Variants in RTTN observed in about 807,000 individuals in gnomAD.
RTTN encodes the protein rotatin.
RTTN carries 182 observed loss-of-function variants against 269.2 expected under a neutral mutation model. The observed-to-expected ratio is 0.68, with a 90% CI of 0.60 to 0.76. The LOEUF is 0.76. Among genes scored for constraint, RTTN ranks in the 30% least tolerant of loss-of-function variants. The pLI, the probability that RTTN is intolerant of heterozygous loss-of-function variation, is 0.00. For missense variants in RTTN, 2,545 were observed against 2,608.6 expected, an observed-to-expected ratio of 0.98 and a Z score of 0.53; for synonymous variants, 1,006 against 963.5, an observed-to-expected ratio of 1.04 and a Z score of -0.82.
chr18:70,024,617 G>A (rs2056800880), intron 44 of RTTN, 105 bp downstream of exon 44: 3 of 1,057,538 alleles, frequency 2.8e-6, no homozygotes, highest in Non-Finnish European at 2.8e-6. Context: ...CAATAAATCA[G>A]AGAAATACTT....
Position 70,054,117 on chromosome 18 carries a change from A to C in RTTN, c.5185+14T>G. The C allele has an allele frequency of 6.2e-7, 1 of 1,600,830 alleles. No individual in the cohort carries two copies. Among genetic ancestry groups the C allele is most frequent in the Non-Finnish European group, 8.6e-7 (1 of 1,169,348 alleles). On this transcript the variant is annotated intron_variant, in intron 38 of 48. Coordinates refer to ENST00000640769, the MANE Select transcript of RTTN (RefSeq NM_173630.4). Reference sequence around the variant, plus strand: ...TTATTCACTTACATTCTAAACTAAAACAATTAAGCTTACCTAATACATCTT... The same window carrying C: ...TTATTCACTTACATTCTAAACTAAACCAATTAAGCTTACCTAATACATCTT...
intron 6 of RTTN, 103 bp from the exon 7 acceptor site, chr18:70,196,751 G>C: frequency 8.7e-7 from 1 of 1,150,230 alleles, no homozygotes; most frequent in South Asian, 1.5e-5. Flanking sequence ...ATAATCAAGA[G>C]AAAATAAGTT....
At position 70,204,279 on chromosome 18, in the gene RTTN, G is replaced by C. The variant is rs753370638; in HGVS notation, c.220-16C>G. ...CTGGGGGATACTAAAATAAGAAGAGGATGATCTTGAGAATAACTGTATCAA... is the reference window on the plus strand; with the variant it reads ...CTGGGGGATACTAAAATAAGAAGAGCATGATCTTGAGAATAACTGTATCAA... On this transcript the variant is annotated splice_polypyrimidine_tract_variant and intron_variant, in intron 2 of 48. Coordinates refer to ENST00000640769, the MANE Select transcript of RTTN (RefSeq NM_173630.4). The C allele has an allele frequency of 1.1e-5, 17 of 1,586,652 alleles. No homozygotes were observed. In the Admixed American group the frequency reaches 3.0e-4, roughly 28 times the overall value.
Position 70,109,636 on chromosome 18 carries a change from A to T in RTTN, c.3765T>A (p.Pro1255=), listed in dbSNP as rs751137318. 3 of 1,614,052 alleles carry T rather than the reference A, an allele frequency of 1.9e-6. No homozygotes were observed. Among genetic ancestry groups the T allele is most frequent in the African/African-American group, 1.3e-5 (1 of 74,930 alleles). ...CAAGGGACGGCAGGCCATAGAAATGAGGCGCATCCGTCACTTTCAGACACT... is the reference window on the plus strand; with the variant it reads ...CAAGGGACGGCAGGCCATAGAAATGTGGCGCATCCGTCACTTTCAGACACT... The part of the protein sequence containing the change: ...LLQCLKVTDA[P]HFYGLPSLER... Residue 1255 remains proline (P), a synonymous_variant, in exon 28 of 49, where the codon CCT becomes CCA. Coordinates refer to ENST00000640769, the MANE Select transcript of RTTN (RefSeq NM_173630.4).
At chr18:70,204,284 T>C in intron 2 of RTTN, 21 bp from the exon 3 acceptor site, 1 of 1,585,090 alleles carries the variant, frequency 6.3e-7, no homozygotes, top group Non-Finnish European at 8.6e-7. Flanking sequence ...AAGAGGATGA[T>C]CTTGAGAATA....
chr18:70,029,831 T>C (rs2145585760), intron 42 of RTTN, among the ~76,000 whole-genome samples, 181 bp downstream of exon 42: 1 of 152,292 alleles, frequency 6.6e-6, no homozygotes, highest in South Asian at 2.1e-4. Context: ...CTAAAGATCT[T>C]CAAGTAAGAA....
chr18:70,197,528 C>G, intron 6 of RTTN, 96 bp downstream of exon 6: 1 of 745,908 alleles, frequency 1.3e-6, no homozygotes, highest in East Asian at 2.6e-5. Flanking sequence ...AACATGAGTA[C>G]AAAGTTCCTT....
chr18:70,121,973 C>A (rs767313160), intron 25 of RTTN, among the ~76,000 whole-genome samples: 1 of 151,902 alleles, frequency 6.6e-6, no homozygotes, highest in Non-Finnish European at 1.5e-5. Flanking sequence ...AGAAAAAGTA[C>A]CAAAAAAATA....
chr18:70,192,208 G>C (rs2061687995), intron 8 of RTTN, among the ~76,000 whole-genome samples: 1 of 152,176 alleles, frequency 6.6e-6, no homozygotes, highest in African/African-American at 2.4e-5. Context: ...GTTAACAGTA[G>C]TAGCAGTATT....
chr18:70,098,678 T>G (rs1233681127), intron 28 of RTTN, among the ~76,000 whole-genome samples: 1 of 152,156 alleles, frequency 6.6e-6, no homozygotes, highest in East Asian at 1.9e-4. Flanking sequence ...AGTTCTAGAG[T>G]ACATGTGCAC....
chr18:70,182,188 A>G (rs1052391459), intron 10 of RTTN, among the ~76,000 whole-genome samples: 2 of 152,220 alleles, frequency 1.3e-5, no homozygotes, highest in African/African-American at 4.8e-5. Flanking sequence ...ACTTGAAAAT[A>G]CACCCATTTT....
chr18:70,197,807 C>G, intron 5 of RTTN, 69 bp from the exon 6 acceptor site: 1 of 927,770 alleles, frequency 1.1e-6, no homozygotes, highest in South Asian at 1.4e-5. Context: ...AGCCTACTGA[C>G]ACAATGACTC....
At chr18:70,100,672 C>T (rs2059135153) in intron 28 of RTTN, among the ~76,000 whole-genome samples, 2 of 152,102 alleles carry the variant, frequency 1.3e-5, no homozygotes, top group South Asian at 4.1e-4. Flanking sequence ...AAAGGGAATG[C>T]TTCCAGTTTT....
intron 10 of RTTN, among the ~76,000 whole-genome samples, chr18:70,183,502 C>T (rs1345043758): frequency 3.9e-5 from 6 of 152,164 alleles, no homozygotes; most frequent in African/African-American, 1.4e-4. Context: ...TCACTTTGGA[C>T]ATTCAATAGA....
In RTTN at chr18:70,020,689, T is replaced by C. The variant is rs377095321; in HGVS notation, c.6079A>G (p.Thr2027Ala). 2 of 1,613,972 alleles carry C rather than the reference T, an allele frequency of 1.2e-6. No individual in the cohort carries two copies. Among genetic ancestry groups the C allele is most frequent in the African/African-American group, 2.7e-5 (2 of 74,916 alleles). The change falls in exon 45 of 49, where the codon ACG becomes GCG. Residue 2027 changes from threonine to alanine, a missense_variant. Thr to Ala is a moderately conservative substitution (Grantham distance 58). Coordinates refer to ENST00000640769, the MANE Select transcript of RTTN (RefSeq NM_173630.4). ...AGCATAAAAACCATCTGCTGAACCG[T>C]GGTGTTCTCCAGTGGCATCTGGGAA... ...LASQMPLENT[T>A]VQQMVFMLLS... is the part of the protein sequence containing the mutation.
chr18:70,090,531 TG>T (rs1193181228), intron 30 of RTTN, among the ~76,000 whole-genome samples: 5 of 152,100 alleles, frequency 3.3e-5, no homozygotes, highest in Non-Finnish European at 5.9e-5. Context: ...GTAGGCATTG[TG>T]AGGGAGGGTT....
At chr18:70,115,094 A>C (rs2145498638) in intron 26 of RTTN, among the ~76,000 whole-genome samples, 1 of 152,208 alleles carries the variant, frequency 6.6e-6, no homozygotes, top group Admixed American at 6.5e-5. Flanking sequence ...AATGATGCAT[A>C]ATTTCACTAA....
At chr18:70,184,720 G>A (rs62089141) in intron 10 of RTTN, among the ~76,000 whole-genome samples, 11 of 25,962 alleles carry the variant, frequency 4.2e-4, no homozygotes, top group African/African-American at 8.0e-4. Flanking sequence ...TTTTTTTTGT[G>A]TGTGTGTGTG....
chr18:70,022,008 T>C (rs1303501092), intron 44 of RTTN, among the ~76,000 whole-genome samples: 1 of 152,176 alleles, frequency 6.6e-6, no homozygotes, highest in African/African-American at 2.4e-5. Context: ...CTTAAATTTA[T>C]GACCATAAAT....
Sources: gnomAD v4.1 joint callset for allele counts (sites outside exome capture counted in the v4.1 genomes callset) on GRCh38, gnomAD v4.1.1 for gene constraint, MANE v1.5 for transcripts, NCBI Gene and HGNC (gene_info 2026-07-23, HGNC 2026-07-21) for gene names.